GCNT2: variants seen among roughly 807,000 people sequenced by gnomAD.
GCNT2 encodes glucosaminyl (N-acetyl) transferase 2 (I blood group), also known as N-acetyllactosaminide beta-1,6-N-acetylglucosaminyl-transferase.
A neutral mutation model predicts 34.2 loss-of-function variants in GCNT2; 34 were observed. That is an observed-to-expected ratio of 1.00 (90% CI 0.76 to 1.32). GCNT2 has a LOEUF of 1.32. Ranked by LOEUF, GCNT2 falls within the 40% of genes most tolerant of loss-of-function variation. The pLI is 0.00. For synonymous variants in GCNT2, 212 were observed against 188.0 expected (o/e 1.13, Z -1.04); for missense variants, 584 against 489.4 (o/e 1.19, Z -1.82).
In GCNT2 at chr6:10,586,255, C is replaced by G. The variant is rs749167856; in HGVS notation, c.926-35096C>G. On this transcript the variant is annotated intron_variant, in intron 3 of 4. Transcript: ENST00000495262. Reference sequence around the variant, plus strand: ...AATCACTACATCACAAGTCCCCTGTCGGAAGAAGAGGCTGCATTCCCTTTG... The same window carrying G: ...AATCACTACATCACAAGTCCCCTGTGGGAAGAAGAGGCTGCATTCCCTTTG... 1.9e-6 allele frequency: 3 copies of G among 1,614,162 alleles called. No homozygotes were observed. In the South Asian group the frequency reaches 3.3e-5, roughly 18 times the overall value.
intron 3 of GCNT2, among the ~76,000 whole-genome samples, chr6:10,548,791 C>T (rs1009870352): frequency 6.6e-6 from 1 of 151,124 alleles, no homozygotes; most frequent in Non-Finnish European, 1.5e-5. Context: ...GACGAAGTCT[C>T]GCTGTCACCC....
intron 3 of GCNT2, among the ~76,000 whole-genome samples, chr6:10,560,590 C>T (rs1272461139): frequency 6.6e-6 from 1 of 152,168 alleles, no homozygotes; most frequent in Non-Finnish European, 1.5e-5. Context: ...TTTCCCAAAA[C>T]ACCCCCAAGA....
At chr6:10,586,728 A>G (rs1436458103) in intron 3 of GCNT2, 1 of 1,614,044 alleles carries the variant, frequency 6.2e-7, no homozygotes, top group South Asian at 1.1e-5. Context: ...TGTGAAAAAT[A>G]CTAATATTTT....
rs541701001 is a variant in GCNT2 at position 10,564,915 on chromosome 6, TAGAG to T, written c.925+35087_925+35090del. ...GAAGGAAGAGACAGCCAATAAATAG[TAGAG>T]AGAGAGAAGCCAGATCATTAGAGTT... On this transcript the variant is annotated intron_variant, in intron 3 of 4. Transcript: ENST00000495262. Among the ~76,000 whole-genome samples the T allele has an allele frequency of 4.9e-4, 74 of 150,982 alleles. 2 individuals carry two copies. In the South Asian group the frequency reaches 0.013, roughly 26 times the overall value.
chr6:10,617,394 T>C (rs1014937387), intron 3 of GCNT2, among the ~76,000 whole-genome samples: 4 of 151,960 alleles, frequency 2.6e-5, no homozygotes, highest in African/African-American at 9.7e-5. Context: ...CGCCGGCGCC[T>C]CTCTCTCCAC....
chr6:10,604,989 T>A lies in GCNT2; in HGVS notation c.926-16362T>A, dbSNP rs189946542. ...GCAAGACCCTGTCTCTATAAAAAAA[T>A]TTAAAAATTAGCTGGGCATGGTGGT... On this transcript the variant is annotated intron_variant, in intron 3 of 4. Transcript: ENST00000495262. 2.3e-3 allele frequency among the ~76,000 whole-genome samples: 343 copies of A among 151,960 alleles called. 2 individuals are homozygous for A. The highest frequency in any genetic ancestry group is 3.7e-3 in the Non-Finnish European group (253 of 67,932).
At chr6:10,556,146 G>A in intron 3 of GCNT2, 1 of 1,333,700 alleles carries the variant, frequency 7.5e-7, no homozygotes, top group Non-Finnish European at 9.6e-7. Context: ...GATGCAAACG[G>A]GGAGGCAGAG....
intron 3 of GCNT2, among the ~76,000 whole-genome samples, chr6:10,616,184 G>T (rs1005412397): frequency 5.9e-5 from 9 of 152,124 alleles, no homozygotes. Flanking sequence ...TGCAGTGAGC[G>T]TTATATCTTT....
rs1561842577 is a variant in GCNT2, at chr6:10,621,385, T to C, written c.960T>C (p.Thr320=). 6.2e-7 allele frequency: 1 copy of C among 1,613,672 alleles called. No individual in the cohort carries two copies. The highest frequency in any genetic ancestry group is 1.7e-5 in the Admixed American group (1 of 60,012). ...GCTCTATGCCAAATGCATCCTGGAC[T>C]GGAAACCTCAGAGCTATAAAGTGGA... ...VPGSMPNASW[T]GNLRAIKWSD... Residue 320 remains threonine (T), a synonymous_variant, in exon 4 of 5, where the codon ACT becomes ACC. Transcript: ENST00000495262.
At chr6:10,609,609 T>C (rs1765466900) in intron 3 of GCNT2, among the ~76,000 whole-genome samples, 1 of 152,186 alleles carries the variant, frequency 6.6e-6, no homozygotes, top group African/African-American at 2.4e-5. Context: ...TTTGGGATCT[T>C]CCTGGCCGGA....
intron 3 of GCNT2, among the ~76,000 whole-genome samples, chr6:10,537,252 C>G (rs1170866534): frequency 2.0e-5 from 3 of 152,214 alleles, no homozygotes; most frequent in African/African-American, 7.2e-5. Flanking sequence ...CTTCACTGAT[C>G]ACTGAGTTTG....
intron 3 of GCNT2, chr6:10,581,995 TAA>T: frequency 3.9e-6 from 1 of 259,008 alleles, no homozygotes; most frequent in Non-Finnish European, 5.9e-6. Context: ...TATGTATATA[TAA>T]ATATATTTAT....
chr6:10,583,709 G>A (rs918566011), intron 3 of GCNT2, among the ~76,000 whole-genome samples: 9 of 152,226 alleles, frequency 5.9e-5, no homozygotes, highest in Middle Eastern at 3.4e-3. Flanking sequence ...GAGGGGGTTG[G>A]GTGGGAAGGA....
At position 10,598,268 on chromosome 6, in the gene GCNT2, G is replaced by A. The variant is rs1001818293; in HGVS notation, c.926-23083G>A. On this transcript the variant is annotated intron_variant, in intron 3 of 4. Coordinates refer to ENST00000495262, the MANE Select transcript of GCNT2 (RefSeq NM_145649.5). Reference sequence around the variant, plus strand: ...GCTTCCGGTGACTTATCTGTAAATTGAGGACAATACCAATTTCATGAGATT... The same window carrying A: ...GCTTCCGGTGACTTATCTGTAAATTAAGGACAATACCAATTTCATGAGATT... 2.6e-5 allele frequency among the ~76,000 whole-genome samples: 4 copies of A among 152,196 alleles called. No homozygotes were observed. The East Asian group carries it at 7.7e-4, about 29-fold the overall frequency.
intron 3 of GCNT2, among the ~76,000 whole-genome samples, chr6:10,590,356 C>A (rs1264315868): frequency 1.5e-4 from 22 of 151,126 alleles, no homozygotes; most frequent in Admixed American, 1.5e-3. Flanking sequence ...CATGACTGCA[C>A]CACTGCACTC....
At chr6:10,568,931 C>A (rs1054898623) in intron 3 of GCNT2, among the ~76,000 whole-genome samples, 22 of 152,004 alleles carry the variant, frequency 1.4e-4, no homozygotes, top group Non-Finnish European at 2.6e-4. Context: ...TTTTTCTGGT[C>A]TTATTTTTTC....
At chr6:10,556,857 T>C (rs1027713932) in intron 3 of GCNT2, 3 of 1,614,152 alleles carry the variant, frequency 1.9e-6, no homozygotes, top group African/African-American at 1.3e-5. Flanking sequence ...TTAAGCTGCT[T>C]CCCAAACGCT....
At chr6:10,623,806 T>C (rs1296201217) in intron 4 of GCNT2, among the ~76,000 whole-genome samples, 1 of 152,188 alleles carries the variant, frequency 6.6e-6, no homozygotes, top group Non-Finnish European at 1.5e-5. Context: ...ACCATGTTGT[T>C]TTTGGTTTGA....
chr6:10,545,844 T>G (rs919803011), intron 3 of GCNT2, among the ~76,000 whole-genome samples: 1 of 152,070 alleles, frequency 6.6e-6, no homozygotes, highest in African/African-American at 2.4e-5. Context: ...TAAATGAAAT[T>G]AAAGAAAAGG....
Sources: allele counts gnomAD v4.1 joint callset (sites outside exome capture counted in the v4.1 genomes callset), GRCh38; gene constraint gnomAD v4.1.1; transcripts MANE v1.5; gene names NCBI Gene and HGNC (gene_info 2026-07-23, HGNC 2026-07-21).